The following DCC variants were observed in gnomAD, a reference collection of about 807,000 sequenced individuals.
The protein encoded by DCC is DCC netrin 1 receptor, also known as netrin receptor DCC.
Under a neutral mutation model 172.5 loss-of-function variants are expected in DCC, and 58 were observed. The observed-to-expected ratio is 0.34, with a 90% CI of 0.27 to 0.42. The LOEUF (loss-of-function observed/expected upper bound fraction) is 0.42. DCC is among the 10% of genes least tolerant of loss of function. The pLI is 1.00. For synonymous variants in DCC, 709 were observed against 644.5 expected, an observed-to-expected ratio of 1.10 and a Z score of -1.52; for missense variants, 1,740 against 1,791.0, an observed-to-expected ratio of 0.97 and a Z score of 0.51.
Position 52,387,574 on chromosome 18 carries a change from TCTTCCTTCCTTCCTTCCTTCCTTCCTTC to T in DCC, c.91+46729_91+46756del, listed in dbSNP as rs58543615. Reference sequence around the variant, plus strand: ...CAAAGCCAGGCTGTTTTGTTTTGTTTCTTCCTTCCTTCCTTCCTTCCTTCCTTCCTTCCTTCCTTCCTTCCTTCCTTCC... The same window carrying T: ...CAAAGCCAGGCTGTTTTGTTTTGTTTCTTCCTTCCTTCCTTCCTTCCTTCC... On this transcript the variant is annotated intron_variant, in intron 1 of 28. Transcript: ENST00000442544. 6.6e-5 allele frequency among the ~76,000 whole-genome samples: 8 copies of T among 122,090 alleles called. No individual in the cohort carries two copies. The South Asian group carries it at 8.6e-4, about 13-fold the overall frequency. The allele number at this position is 122,090 out of a possible 152,430, so 80.1% of individuals were successfully genotyped here. A position where few individuals can be genotyped will look rare whatever the true frequency, so the allele number is the denominator to read the frequency against.
intron 2 of DCC, among the ~76,000 whole-genome samples, chr18:52,853,821 T>C (rs78367413): frequency 0.024 from 3,626 of 152,290 alleles, 68 homozygotes; most frequent in Admixed American, 0.054. Context: ...TTACAACTGA[T>C]GAGCAAGATG....
chr18:53,081,707 C>T (rs910068914), intron 7 of DCC, among the ~76,000 whole-genome samples: 5 of 151,800 alleles, frequency 3.3e-5, no homozygotes, highest in African/African-American at 1.2e-4. Flanking sequence ...TAAGCAGGCC[C>T]CCGCTTTTTC....
intron 5 of DCC, among the ~76,000 whole-genome samples, chr18:52,987,110 C>T (rs201167571): frequency 6.6e-6 from 1 of 152,138 alleles, no homozygotes; most frequent in Non-Finnish European, 1.5e-5. Flanking sequence ...GCGTGAGACT[C>T]CGCGCCTGGC....
intron 1 of DCC, chr18:52,409,236 A>C (rs1399646487): frequency 6.6e-6 from 1 of 152,126 alleles, no homozygotes; most frequent in Non-Finnish European, 1.5e-5. Context: ...ACATATTGGC[A>C]AGTAACAATA....
At chr18:52,586,099 A>AAC (rs1319057113) in intron 1 of DCC, among the ~76,000 whole-genome samples, 2 of 149,876 alleles carry the variant, frequency 1.3e-5, no homozygotes, top group Non-Finnish European at 3.0e-5. Context: ...AAAAAAAAAA[A>AAC]AAAAAAAAAC....
intron 2 of DCC, among the ~76,000 whole-genome samples, chr18:52,832,507 C>T (rs1258126531): frequency 6.6e-6 from 1 of 152,058 alleles, no homozygotes; most frequent in African/African-American, 2.4e-5. Context: ...GACTTCTGGG[C>T]GTCTTCCGTG....
chr18:53,162,401 A>G (rs558072087), intron 8 of DCC, among the ~76,000 whole-genome samples: 1 of 152,266 alleles, frequency 6.6e-6, no homozygotes, highest in African/African-American at 2.4e-5. Flanking sequence ...GAACTATTGC[A>G]GTAATCTCCT....
At chr18:53,305,263 A>G (rs914003395) in intron 12 of DCC, among the ~76,000 whole-genome samples, 5 of 152,232 alleles carry the variant, frequency 3.3e-5, no homozygotes, top group Non-Finnish European at 7.3e-5. Flanking sequence ...GACATCTCTC[A>G]TGCAATATAA....
At chr18:52,426,653 T>C (rs12454053) in intron 1 of DCC, among the ~76,000 whole-genome samples, 19,515 of 113,564 alleles carry the variant, frequency 0.17, 1,591 homozygotes, top group Admixed American at 0.29. Context: ...GAGAAGAGAA[T>C]TAATTCTGTT....
At chr18:53,247,978 A>T (rs1408438174) in intron 12 of DCC, among the ~76,000 whole-genome samples, 2 of 152,002 alleles carry the variant, frequency 1.3e-5, no homozygotes, top group Non-Finnish European at 2.9e-5. Flanking sequence ...TTTCAGCCAT[A>T]CATGTCAACC....
At chr18:52,832,467 C>A (rs190386555) in intron 2 of DCC, among the ~76,000 whole-genome samples, 2 of 151,852 alleles carry the variant, frequency 1.3e-5, no homozygotes, top group Admixed American at 6.6e-5. Context: ...ACCCTGTGCA[C>A]CCCAAAATTT....
At chr18:52,580,550 A>G (rs558126126) in intron 1 of DCC, among the ~76,000 whole-genome samples, 1 of 152,302 alleles carries the variant, frequency 6.6e-6, no homozygotes, top group African/African-American at 2.4e-5. Flanking sequence ...TCTCTACTGC[A>G]GTATTTATAA....
At chr18:52,992,984 T>TAAAAA in intron 5 of DCC, among the ~76,000 whole-genome samples, 1 of 131,118 alleles carries the variant, frequency 7.6e-6, no homozygotes, top group Non-Finnish European at 1.6e-5. Flanking sequence ...GTCTCAAATT[T>TAAAAA]AAAAAAAAAA....
chr18:52,561,457 T>C lies in DCC; in HGVS notation c.92-190597T>C, dbSNP rs147508500. On this transcript the variant is annotated intron_variant, in intron 1 of 28. Coordinates refer to ENST00000442544, the MANE Select transcript of DCC (RefSeq NM_005215.4). The stretch of plus-strand genomic sequence containing the variant: ...TGTATGTCTATGTGCTACACACACA[T>C]ATATATATATATACATATACACACA... 7.6e-3 allele frequency among the ~76,000 whole-genome samples: 1,141 copies of C among 150,092 alleles called. 12 individuals are homozygous for C. The highest frequency in any genetic ancestry group is 0.014 in the East Asian group (73 of 5,150).
intron 2 of DCC, among the ~76,000 whole-genome samples, chr18:52,820,738 A>G (rs2038390619): frequency 6.6e-6 from 1 of 152,212 alleles, no homozygotes; most frequent in Non-Finnish European, 1.5e-5. Flanking sequence ...CCCAGAGTTG[A>G]TTGTGAACAT....
rs1471760633 is a variant in DCC, at chr18:53,402,182, C to T, written c.2828-604C>T. On this transcript the variant is annotated intron_variant, in intron 18 of 28. Coordinates refer to ENST00000442544, the MANE Select transcript of DCC (RefSeq NM_005215.4). ...AGTTGTAACAGAATTCTTCTGAAGACATGTAATCATCCAGCGTGGCAACAT... is the reference window on the plus strand; with the variant it reads ...AGTTGTAACAGAATTCTTCTGAAGATATGTAATCATCCAGCGTGGCAACAT... Among the ~76,000 whole-genome samples, 3 of 152,014 alleles carry T rather than the reference C, an allele frequency of 2.0e-5. No individual in the cohort carries two copies. The East Asian group carries it at 5.8e-4, about 29-fold the overall frequency.
chr18:53,453,192 G>A (rs976608383), intron 23 of DCC, among the ~76,000 whole-genome samples: 2 of 152,162 alleles, frequency 1.3e-5, no homozygotes, highest in South Asian at 4.1e-4. Context: ...TGGAATTACA[G>A]GTGTGAGCCA....
intron 1 of DCC, among the ~76,000 whole-genome samples, chr18:52,617,458 G>A (rs1054218972): frequency 2.6e-5 from 4 of 152,104 alleles, no homozygotes; most frequent in Non-Finnish European, 4.4e-5. Context: ...CTACTGAATC[G>A]CATTGAGAAT....
chr18:53,466,251 G>T (rs573854415), intron 24 of DCC, among the ~76,000 whole-genome samples: 1 of 152,210 alleles, frequency 6.6e-6, no homozygotes, highest in African/African-American at 2.4e-5. Flanking sequence ...ACTTTTAAAT[G>T]CTCTGGTCTC....
Sources: allele counts gnomAD v4.1 joint callset (sites outside exome capture counted in the v4.1 genomes callset), GRCh38; gene constraint gnomAD v4.1.1; transcripts MANE v1.5; gene names NCBI Gene and HGNC (gene_info 2026-07-23, HGNC 2026-07-21).